EHBP1: variants seen among roughly 807,000 people sequenced by gnomAD.
EHBP1 encodes the protein EH domain-binding protein 1.
A neutral mutation model predicts 144.0 loss-of-function variants in EHBP1; 55 were observed. The observed-to-expected ratio is 0.38, with a 90% CI of 0.31 to 0.48. The LOEUF (loss-of-function observed/expected upper bound fraction) is 0.48. EHBP1 is among the 20% of genes least tolerant of loss of function. The pLI, the probability that EHBP1 is intolerant of heterozygous loss-of-function variation, is 0.98. For synonymous variants in EHBP1, 469 were observed against 472.7 expected (o/e 0.99, Z 0.10); for missense variants, 1,200 against 1,364.2 (o/e 0.88, Z 1.90).
intron 5 of EHBP1, among the ~76,000 whole-genome samples, chr2:62,812,176 C>G (rs1558714308): frequency 6.6e-6 from 1 of 152,182 alleles, no homozygotes; most frequent in Admixed American, 6.5e-5. Context: ...AAACCCCTCA[C>G]CAGATGCTGG....
chr2:62,978,477 A>C (rs964232464), intron 14 of EHBP1, among the ~76,000 whole-genome samples: 1 of 152,178 alleles, frequency 6.6e-6, no homozygotes, highest in Non-Finnish European at 1.5e-5. Flanking sequence ...CTGGGATTAC[A>C]GGTGTGAGCC....
chr2:63,008,184 C>T (rs371542681), intron 19 of EHBP1, among the ~76,000 whole-genome samples: 1 of 151,786 alleles, frequency 6.6e-6, no homozygotes, highest in South Asian at 2.1e-4. Context: ...CAAGCTAAAA[C>T]ATCCAGTGAT....
chr2:62,712,485 CAA>C (rs2035244961), intron 2 of EHBP1, among the ~76,000 whole-genome samples: 1 of 152,150 alleles, frequency 6.6e-6, no homozygotes, highest in Non-Finnish European at 1.5e-5. Context: ...ATGCAACCAG[CAA>C]GTTTGCATAT....
At chr2:62,757,635 T>C (rs985331280) in intron 3 of EHBP1, among the ~76,000 whole-genome samples, 6 of 151,852 alleles carry the variant, frequency 4.0e-5, no homozygotes, top group African/African-American at 1.5e-4. Flanking sequence ...GCTTTCACCA[T>C]GTTGTTCAGG....
At chr2:62,890,375 GGAAT>G (rs2052359432) in intron 10 of EHBP1, among the ~76,000 whole-genome samples, 1 of 152,140 alleles carries the variant, frequency 6.6e-6, no homozygotes, top group African/African-American at 2.4e-5. Flanking sequence ...CCATGAGCAT[GGAAT>G]GTTTTTCCAT....
At chr2:62,703,979 G>A (rs2034358852), upstream of EHBP1, among the ~76,000 whole-genome samples, 1 of 152,024 alleles carries the variant, frequency 6.6e-6, no homozygotes, top group Admixed American at 6.5e-5. Context: ...GTTTCTGAAG[G>A]GTAACTTGGA....
At chr2:62,720,560 A>G (rs1368654017) in intron 2 of EHBP1, among the ~76,000 whole-genome samples, 2 of 152,234 alleles carry the variant, frequency 1.3e-5, no homozygotes, top group African/African-American at 2.4e-5. Context: ...TTGAAACTGG[A>G]TTTATTCATG....
rs974488205 is a variant in EHBP1, at chr2:62,937,906, A to G, written c.1186-4812A>G. On this transcript the variant is annotated intron_variant, in intron 10 of 22. Coordinates refer to ENST00000431489, the MANE Select transcript of EHBP1 (RefSeq NM_001142616.3). ...TTTAAGCCGTGCTTTAAGGAGAACG[A>G]TGCTATGACATGGGTTGGTTACCGA... Among the ~76,000 whole-genome samples the G allele has an allele frequency of 4.6e-5, 7 of 152,326 alleles. No individual in the cohort carries two copies. In the South Asian group the frequency reaches 8.3e-4, roughly 18 times the overall value.
Position 62,769,124 on chromosome 2 carries a change from C to T in EHBP1, c.259-2215C>T, listed in dbSNP as rs531708096. 7.9e-5 allele frequency among the ~76,000 whole-genome samples: 12 copies of T among 152,324 alleles called. No individual in the cohort carries two copies. The South Asian group carries it at 2.1e-3, about 26-fold the overall frequency. ...AAGACAAGGATGCCCTTTCTCACCA[C>T]TCCTATTTAACTTAGTGTTGGAAGT... On this transcript the variant is annotated intron_variant, in intron 4 of 22. Coordinates refer to ENST00000431489, the MANE Select transcript of EHBP1 (RefSeq NM_001142616.3).
At chr2:63,033,743 AAATG>A (rs1403768965) in intron 19 of EHBP1, among the ~76,000 whole-genome samples, 1 of 152,148 alleles carries the variant, frequency 6.6e-6, no homozygotes, top group Non-Finnish European at 1.5e-5. Context: ...ATTCTTGGAT[AAATG>A]AATGAATTGC....
intron 5 of EHBP1, among the ~76,000 whole-genome samples, chr2:62,773,795 G>GAGCC (rs1285021264): frequency 2.3e-5 from 3 of 132,396 alleles, no homozygotes; most frequent in African/African-American, 8.5e-5. Context: ...AGGTTGCAGT[G>GAGCC]AGCCGAGATC....
chr2:62,813,490 ATACT>A (rs1485720662), intron 5 of EHBP1, among the ~76,000 whole-genome samples: 10 of 152,162 alleles, frequency 6.6e-5, no homozygotes, highest in Non-Finnish European at 1.2e-4. Context: ...CACCAAGGTG[ATACT>A]TACTGGACTG....
At chr2:62,887,604 G>A (rs1213128540) in intron 10 of EHBP1, among the ~76,000 whole-genome samples, 1 of 151,822 alleles carries the variant, frequency 6.6e-6, no homozygotes, top group Non-Finnish European at 1.5e-5. Flanking sequence ...GCCAGTCTGG[G>A]TGCCACACAC....
chr2:62,997,428 A>ATG (rs70962800), intron 19 of EHBP1, among the ~76,000 whole-genome samples: 4,401 of 90,284 alleles, frequency 0.049, 73 homozygotes, highest in Non-Finnish European at 0.057. Context: ...AAAGGAACTC[A>ATG]TGTGTGTGTG....
chr2:63,022,963 C>G (rs2060819438), intron 19 of EHBP1, among the ~76,000 whole-genome samples: 1 of 152,088 alleles, frequency 6.6e-6, no homozygotes, highest in African/African-American at 2.4e-5. Context: ...CACCTGAGGT[C>G]AGGAATTCGA....
At chr2:62,814,117 G>C (rs1022189348) in intron 5 of EHBP1, among the ~76,000 whole-genome samples, 2 of 152,244 alleles carry the variant, frequency 1.3e-5, no homozygotes, top group African/African-American at 4.8e-5. Context: ...CAAAGTTCCT[G>C]TGTTGGAAAA....
intron 5 of EHBP1, among the ~76,000 whole-genome samples, chr2:62,819,774 A>AAC (rs2045755550): frequency 6.6e-6 from 1 of 150,798 alleles, no homozygotes; most frequent in South Asian, 2.1e-4. Flanking sequence ...AAAAAAACAA[A>AAC]AAAAAAAAAA....
At chr2:62,825,084 G>A (rs2046249499) in intron 5 of EHBP1, among the ~76,000 whole-genome samples, 1 of 151,780 alleles carries the variant, frequency 6.6e-6, no homozygotes, top group Non-Finnish European at 1.5e-5. Context: ...TTAAATTTTG[G>A]TCTTAACTCC....
At chr2:62,940,689 T>C (rs2056702299) in intron 10 of EHBP1, among the ~76,000 whole-genome samples, 1 of 152,218 alleles carries the variant, frequency 6.6e-6, no homozygotes, top group Non-Finnish European at 1.5e-5. Context: ...TTTCTTTCTT[T>C]GTAAACCACC....
Sources: gnomAD v4.1 joint callset for allele counts (sites outside exome capture counted in the v4.1 genomes callset) on GRCh38, gnomAD v4.1.1 for gene constraint, MANE v1.5 for transcripts, NCBI Gene and HGNC (gene_info 2026-07-23, HGNC 2026-07-21) for gene names.